The following DSCAM variants were observed in gnomAD, a reference collection of about 807,000 sequenced individuals.
The protein encoded by DSCAM is cell adhesion molecule DSCAM.
DSCAM carries 47 observed loss-of-function variants against 217.7 expected under a neutral mutation model. The observed-to-expected ratio is 0.22, with a 90% confidence interval of 0.17 to 0.28. The LOEUF (loss-of-function observed/expected upper bound fraction) is 0.28, where lower values mean the gene tolerates loss of function less well. DSCAM is among the 10% of genes least tolerant of loss of function. The pLI, the probability that DSCAM is intolerant of heterozygous loss-of-function variation, is 1.00. For missense variants in DSCAM, 2,080 were observed against 2,618.3 expected, an observed-to-expected ratio of 0.79 and a Z score of 4.49; for synonymous variants, 1,056 against 1,015.3, an observed-to-expected ratio of 1.04 and a Z score of -0.76.
chr21:40,551,094 A>C (rs2076625929), intron 3 of DSCAM, among the ~76,000 whole-genome samples: 1 of 152,240 alleles, frequency 6.6e-6, no homozygotes, highest in South Asian at 2.1e-4. Flanking sequence ...AAAGAGGTTT[A>C]TTCTGAGCCA....
chr21:40,110,449 A>G lies in DSCAM; in HGVS notation c.3696+13746T>C, dbSNP rs535141828. Among the ~76,000 whole-genome samples, 3 of 152,280 alleles carry G rather than the reference A, an allele frequency of 2.0e-5. No homozygotes were observed. In the South Asian group the frequency reaches 6.2e-4, roughly 32 times the overall value. ...ATCATCAAAGACCAAAGGTAGATAA[A>G]ACCACAAAGATGGGGAAAAAACAGA... On this transcript the variant is annotated intron_variant, in intron 20 of 32. Coordinates refer to ENST00000400454, the MANE Select transcript of DSCAM (RefSeq NM_001389.5).
chr21:40,756,164 A>G (rs1311573173), intron 1 of DSCAM, among the ~76,000 whole-genome samples: 1 of 152,198 alleles, frequency 6.6e-6, no homozygotes, highest in African/African-American at 2.4e-5. Flanking sequence ...TACTGTCACG[A>G]TAATGAGTGA....
chr21:40,611,413 T>C (rs1483132032), intron 3 of DSCAM, among the ~76,000 whole-genome samples: 2 of 152,206 alleles, frequency 1.3e-5, no homozygotes, highest in African/African-American at 4.8e-5. Context: ...ACTATTATCA[T>C]TTCCACATGT....
Position 40,791,522 on chromosome 21 carries a change from G to A in DSCAM, c.43+55097C>T, listed in dbSNP as rs896098536. 3.5e-4 allele frequency among the ~76,000 whole-genome samples: 54 copies of A among 152,194 alleles called. 1 individual carries two copies. The Middle Eastern group carries it at 0.01, about 29-fold the overall frequency. On this transcript the variant is annotated intron_variant, in intron 1 of 32. Coordinates refer to ENST00000400454, the MANE Select transcript of DSCAM (RefSeq NM_001389.5). ...ACAAAAAAATTAGCCGGGCGTGCTG[G>A]CGGGCGCCTGTAGTCCCAGCTACTC... is the stretch of plus-strand genomic sequence containing the variant.
intron 6 of DSCAM, among the ~76,000 whole-genome samples, chr21:40,342,648 A>ATATATATATATATATATATTTTTT (rs61637421): frequency 1.2e-5 from 1 of 80,322 alleles, no homozygotes; most frequent in African/African-American, 5.2e-5. Context: ...ATATATATAT[A>ATATATATATATATATATATTTTTT]TTTTTTTTTT....
chr21:40,843,585 T>A (rs59562712), intron 1 of DSCAM, among the ~76,000 whole-genome samples: 3,733 of 152,214 alleles, frequency 0.025, 153 homozygotes, highest in African/African-American at 0.085. Flanking sequence ...GTAGGAAGCT[T>A]TGCTGAGAAG....
At chr21:40,191,181 G>A (rs61561393) in intron 11 of DSCAM, among the ~76,000 whole-genome samples, 2,516 of 152,268 alleles carry the variant, frequency 0.017, 95 homozygotes, top group African/African-American at 0.057. Context: ...TTACTAGAGA[G>A]GTTTGAGACA....
intron 17 of DSCAM, among the ~76,000 whole-genome samples, chr21:40,143,590 G>C (rs536243787): frequency 6.6e-6 from 1 of 152,288 alleles, no homozygotes; most frequent in East Asian, 1.9e-4. Context: ...AGGAGATCGA[G>C]ACCATCCTGG....
At chr21:40,828,616 C>A (rs2091988348) in intron 1 of DSCAM, among the ~76,000 whole-genome samples, 1 of 151,848 alleles carries the variant, frequency 6.6e-6, no homozygotes, top group African/African-American at 2.4e-5. Context: ...GCCAAATAAG[C>A]CAATCACATC....
At chr21:40,126,404 C>T (rs911973045) in intron 19 of DSCAM, among the ~76,000 whole-genome samples, 1 of 151,884 alleles carries the variant, frequency 6.6e-6, no homozygotes, top group Admixed American at 6.6e-5. Flanking sequence ...TGGTCAGGAC[C>T]ACTGAGAAGA....
rs116696207 is a variant in DSCAM, at chr21:40,465,215, C to T, written c.509-95970G>A. On this transcript the variant is annotated intron_variant, in intron 3 of 32. Coordinates refer to ENST00000400454, the MANE Select transcript of DSCAM (RefSeq NM_001389.5). ...CCTTTCTCATCAATCTATCCTTCTA[C>T]TACTTGGCTTGGGATGTGTTGTCCT... Among the ~76,000 whole-genome samples, 872 of 152,228 alleles carry T rather than the reference C, an allele frequency of 5.7e-3. 7 individuals carry two copies. The highest frequency in any genetic ancestry group is 0.02 in the African/African-American group (813 of 41,530).
At chr21:40,462,176 T>A (rs1319157798) in intron 3 of DSCAM, among the ~76,000 whole-genome samples, 1 of 152,152 alleles carries the variant, frequency 6.6e-6, no homozygotes, top group Non-Finnish European at 1.5e-5. Flanking sequence ...TAAGAAAATT[T>A]CATGCAGGGA....
At chr21:40,237,665 C>T (rs761727106) in intron 11 of DSCAM, among the ~76,000 whole-genome samples, 5 of 152,176 alleles carry the variant, frequency 3.3e-5, no homozygotes, top group Non-Finnish European at 7.3e-5. Context: ...AACAGTGCTG[C>T]AATAAACATA....
rs779784450 is a variant in DSCAM at position 40,338,361 on chromosome 21, C to A, written c.1523G>T (p.Arg508Leu). The A allele has an allele frequency of 3.1e-6, 5 of 1,612,892 alleles. No homozygotes were observed. ...TATTGCTGTGATGTTTTTCATTGGTCGAATGCTTGCAGGCCCTGGAGAGAC... is the reference window on the plus strand; with the variant it reads ...TATTGCTGTGATGTTTTTCATTGGTAGAATGCTTGCAGGCCCTGGAGAGAC... The part of the protein sequence containing the change: ...RINVRGPASI[R>L]PMKNITAIAG... Residue 508 changes from arginine to leucine, a missense_variant, in exon 8 of 33, where the codon CGA becomes CTA. Coordinates refer to ENST00000400454, the MANE Select transcript of DSCAM (RefSeq NM_001389.5).
chr21:40,383,058 G>C (rs2075042940), intron 3 of DSCAM: 1 of 152,276 alleles, frequency 6.6e-6, no homozygotes, highest in Non-Finnish European at 1.5e-5. Context: ...GGCTGGGCAG[G>C]TCACTCATGC....
chr21:40,300,605 T>C (rs2837565), intron 9 of DSCAM, among the ~76,000 whole-genome samples: 26,134 of 152,178 alleles, frequency 0.17, 4,035 homozygotes, highest in African/African-American at 0.4. Flanking sequence ...TGGTGCAACC[T>C]TGACATGTGA....
At chr21:40,593,591 C>A (rs1044383314) in intron 3 of DSCAM, among the ~76,000 whole-genome samples, 3 of 152,286 alleles carry the variant, frequency 2.0e-5, no homozygotes, top group South Asian at 2.1e-4. Context: ...AGTGATCCAC[C>A]CACCTTGGCC....
Position 40,224,345 on chromosome 21 carries a change from C to A in DSCAM, c.2357-35107G>T, listed in dbSNP as rs2091312903. ...TATTTAAATGTCTCTGGTATTTACA[C>A]ATCTCTGGTAGTTTTGTTCTTAGTC... On this transcript the variant is annotated intron_variant, in intron 11 of 32. Transcript: ENST00000400454. Among the ~76,000 whole-genome samples the A allele has an allele frequency of 3.3e-5, 5 of 152,312 alleles. No homozygotes were observed. In the South Asian group the frequency reaches 1.0e-3, roughly 32 times the overall value.
chr21:40,653,318 G>A (rs779186528), intron 3 of DSCAM, among the ~76,000 whole-genome samples: 16 of 152,256 alleles, frequency 1.1e-4, no homozygotes, highest in Non-Finnish European at 1.9e-4. Flanking sequence ...AAAAAAGATG[G>A]CTGCTTTGAT....
Sources: allele counts gnomAD v4.1 joint callset (sites outside exome capture counted in the v4.1 genomes callset), GRCh38; gene constraint gnomAD v4.1.1; transcripts MANE v1.5; gene names NCBI Gene and HGNC (gene_info 2026-07-23, HGNC 2026-07-21).